The following TCF7L2 variants were observed in gnomAD, a reference collection of about 807,000 sequenced individuals.
TCF7L2 encodes the protein transcription factor 7-like 2.
Under a neutral mutation model 77.9 loss-of-function variants are expected in TCF7L2, and 23 were observed. That is an observed-to-expected ratio of 0.30 (90% CI 0.21 to 0.42). The LOEUF is 0.42. Ranked by LOEUF, TCF7L2 falls within the 10% of genes least tolerant of loss-of-function variation. TCF7L2 has a pLI of 1.00. For missense variants in TCF7L2, 654 were observed against 793.1 expected (o/e 0.82, Z 2.11); for synonymous variants, 413 against 340.2 (o/e 1.21, Z -2.36).
intron 12 of TCF7L2, 103 bp from the exon 13 acceptor site, chr10:113,158,564 A>T: frequency 2.7e-6 from 3 of 1,116,268 alleles, no homozygotes; most frequent in Non-Finnish European, 4.0e-6. Flanking sequence ...AATTAGAAAT[A>T]CTGCATAGGC....
At chr10:113,115,950 G>A (rs552676813) in intron 5 of TCF7L2, among the ~76,000 whole-genome samples, 15 of 152,184 alleles carry the variant, frequency 9.9e-5, no homozygotes, top group African/African-American at 3.1e-4. Context: ...ATATGAAGAT[G>A]TGTATCGATA....
chr10:113,070,426 C>A (rs1011799197), intron 5 of TCF7L2, among the ~76,000 whole-genome samples: 1 of 152,064 alleles, frequency 6.6e-6, no homozygotes, highest in Non-Finnish European at 1.5e-5. Context: ...GGGGACACCA[C>A]TTTCCTGTAG....
At chr10:113,038,238 C>T (rs924698620) in intron 4 of TCF7L2, among the ~76,000 whole-genome samples, 1 of 152,114 alleles carries the variant, frequency 6.6e-6, no homozygotes, top group Non-Finnish European at 1.5e-5. Context: ...TAGGACAACT[C>T]ATTCAGTACA....
At chr10:113,130,928 G>A (rs924991226) in intron 5 of TCF7L2, among the ~76,000 whole-genome samples, 1 of 151,934 alleles carries the variant, frequency 6.6e-6, no homozygotes, top group African/African-American at 2.4e-5. Context: ...ACCATGCCCA[G>A]ATAATTTTTG....
At chr10:113,088,364 C>T (rs2060046745) in intron 5 of TCF7L2, among the ~76,000 whole-genome samples, 1 of 152,086 alleles carries the variant, frequency 6.6e-6, no homozygotes. Context: ...GGGCATGCTC[C>T]TTACAGTCTC....
intron 4 of TCF7L2, among the ~76,000 whole-genome samples, chr10:113,006,096 TAA>T (rs1336740444): frequency 6.6e-6 from 1 of 152,150 alleles, no homozygotes; most frequent in Non-Finnish European, 1.5e-5. Context: ...AATTTGACCC[TAA>T]GAGTCTCTGA....
chr10:113,005,957 A>G (rs1161229324), intron 4 of TCF7L2, among the ~76,000 whole-genome samples: 2 of 151,498 alleles, frequency 1.3e-5, no homozygotes, highest in Non-Finnish European at 2.9e-5. Context: ...AAACTGGTCC[A>G]GGGGATCCAC....
chr10:112,955,070 T>C (rs1293467090), intron 3 of TCF7L2, among the ~76,000 whole-genome samples: 4 of 152,196 alleles, frequency 2.6e-5, no homozygotes, highest in African/African-American at 4.8e-5. Flanking sequence ...GAAGGGTTAA[T>C]GGTGGTCCTT....
At chr10:113,052,820 C>G (rs1187246103) in intron 5 of TCF7L2, among the ~76,000 whole-genome samples, 1 of 152,212 alleles carries the variant, frequency 6.6e-6, no homozygotes, top group African/African-American at 2.4e-5. Flanking sequence ...GCAGTGAACT[C>G]TACAGTTCTC....
At chr10:113,091,588 G>T (rs753101410) in intron 5 of TCF7L2, among the ~76,000 whole-genome samples, 1 of 152,126 alleles carries the variant, frequency 6.6e-6, no homozygotes, top group Non-Finnish European at 1.5e-5. Context: ...GTGGTGGCGC[G>T]TGCCCGTACT....
At chr10:112,968,881 A>G (rs2037610624) in intron 4 of TCF7L2, among the ~76,000 whole-genome samples, 1 of 151,958 alleles carries the variant, frequency 6.6e-6, no homozygotes, top group Admixed American at 6.6e-5. Flanking sequence ...CCTGACCTAT[A>G]CTCGGCTTTT....
intron 11 of TCF7L2, 123 bp from the exon 12 acceptor site, chr10:113,157,898 G>A (rs1454814379): frequency 3.0e-6 from 3 of 1,014,486 alleles, no homozygotes; most frequent in South Asian, 1.5e-5. Context: ...AATACCGGGG[G>A]TTTGTGTGGA....
intron 8 of TCF7L2, among the ~76,000 whole-genome samples, chr10:113,146,364 C>T (rs2069390673): frequency 6.6e-6 from 1 of 152,158 alleles, no homozygotes; most frequent in Admixed American, 6.5e-5. Context: ...AGAAACAGGA[C>T]AGAAGCTTTT....
chr10:113,046,105 T>A (rs936721373), intron 5 of TCF7L2, among the ~76,000 whole-genome samples: 1 of 152,168 alleles, frequency 6.6e-6, no homozygotes, highest in Admixed American at 6.5e-5. Context: ...CTATGTCAGA[T>A]GTCCAAAGCT....
rs1489170335 is a variant in TCF7L2 at position 113,166,814 on chromosome 10, C to A, written c.*842C>A. The stretch of plus-strand genomic sequence containing the variant: ...ATGTGTATATATATTTTTGTTTCCC[C>A]TTTTTGACTTTTTTTTTTCTGTATG... On this transcript the variant is annotated 3_prime_UTR_variant, in exon 14 of 14. Coordinates refer to ENST00000627217, the MANE Select transcript of TCF7L2 (RefSeq NM_001146274.2). 1 of 227,780 alleles carries A rather than the reference C, an allele frequency of 4.4e-6. No individual in the cohort carries two copies. The highest frequency in any genetic ancestry group is 8.7e-6 in the Non-Finnish European group (1 of 115,124). The allele number at this position is 227,780 out of a possible 1,614,324, so 14.1% of individuals were successfully genotyped here. A position where few individuals can be genotyped will look rare whatever the true frequency, so the allele number is the denominator to read the frequency against.
rs764432801 is a variant in TCF7L2 at position 113,165,992 on chromosome 10, G to A, written c.*20G>A. Reference sequence around the variant, plus strand: ...GAATAGCTTTAGCGTCGTGAACCCCGCTGCTTTGTTTATGGTTTTGTTTCA... The same window carrying A: ...GAATAGCTTTAGCGTCGTGAACCCCACTGCTTTGTTTATGGTTTTGTTTCA... On this transcript the variant is annotated 3_prime_UTR_variant, in exon 14 of 14. Transcript: ENST00000627217. 17 of 1,464,866 alleles carry A rather than the reference G, an allele frequency of 1.2e-5. No homozygotes were observed. The highest frequency in any genetic ancestry group is 4.9e-5 in the Admixed American group (2 of 40,520). 90.7% of individuals were successfully genotyped at this position (1,464,866 alleles called of 1,614,324 possible). A position where few individuals can be genotyped will look rare whatever the true frequency, so the allele number is the denominator to read the frequency against.
chr10:113,139,915 C>G (rs1373794307), intron 5 of TCF7L2, among the ~76,000 whole-genome samples: 1 of 151,986 alleles, frequency 6.6e-6, no homozygotes, highest in African/African-American at 2.4e-5. Context: ...CTAGGACCTT[C>G]CTTCTTTTCT....
chr10:113,139,846 T>C (rs1435497610), intron 5 of TCF7L2, among the ~76,000 whole-genome samples: 1 of 146,424 alleles, frequency 6.8e-6, no homozygotes, highest in East Asian at 2.0e-4. Flanking sequence ...AGAAGAGAAA[T>C]AGTAAAGAGA....
At chr10:113,115,761 G>A (rs1365122784) in intron 5 of TCF7L2, among the ~76,000 whole-genome samples, 2 of 152,052 alleles carry the variant, frequency 1.3e-5, no homozygotes, top group African/African-American at 2.4e-5. Flanking sequence ...CAAGGACAGC[G>A]CGCGGTTTTA....
Sources: gnomAD v4.1 joint callset for allele counts (sites outside exome capture counted in the v4.1 genomes callset) on GRCh38, gnomAD v4.1.1 for gene constraint, MANE v1.5 for transcripts, NCBI Gene and HGNC (gene_info 2026-07-23, HGNC 2026-07-21) for gene names.